The following KYNU variants were observed in gnomAD, a reference collection of about 807,000 sequenced individuals.
KYNU encodes the protein L-kynurenine hydrolase.
A neutral mutation model predicts 59.2 loss-of-function variants in KYNU; 54 were observed. The ratio of observed to expected loss-of-function variants is 0.91; its 90% CI spans 0.73 to 1.14. KYNU has a LOEUF of 1.14. KYNU is among the 50% of genes most tolerant of loss of function. The pLI is 0.00. For synonymous variants in KYNU, 177 were observed against 192.0 expected (o/e 0.92, Z 0.65); for missense variants, 567 against 554.4 (o/e 1.02, Z -0.23).
chr2:142,987,465 C>T (rs543905313), intron 10 of KYNU, among the ~76,000 whole-genome samples: 1 of 152,074 alleles, frequency 6.6e-6, no homozygotes, highest in Admixed American at 6.6e-5. Context: ...GTATTGTGCT[C>T]ACATATGCCT....
chr2:142,924,364 C>T (rs1682983917), intron 3 of KYNU, among the ~76,000 whole-genome samples: 1 of 152,178 alleles, frequency 6.6e-6, no homozygotes, highest in African/African-American at 2.4e-5. Context: ...ACCTTGGACT[C>T]CCAAAATGCT....
At chr2:142,961,585 G>A (rs1684350868) in intron 8 of KYNU, among the ~76,000 whole-genome samples, 1 of 151,978 alleles carries the variant, frequency 6.6e-6, no homozygotes, top group African/African-American at 2.4e-5. Context: ...TTTTATACAA[G>A]TTACTTTAAG....
chr2:143,001,885 T>C (rs1437674657), intron 10 of KYNU, among the ~76,000 whole-genome samples: 2 of 152,176 alleles, frequency 1.3e-5, no homozygotes, highest in African/African-American at 4.8e-5. Flanking sequence ...ATGTCTTAGT[T>C]TCCATCCATT....
chr2:142,945,787 G>C (rs1419328720), intron 4 of KYNU, among the ~76,000 whole-genome samples: 2 of 151,304 alleles, frequency 1.3e-5, no homozygotes, highest in African/African-American at 4.9e-5. Flanking sequence ...GCTCAGGCTG[G>C]AGTGCCGTGG....
intron 4 of KYNU, among the ~76,000 whole-genome samples, chr2:142,938,550 A>G (rs1426516640): frequency 2.6e-5 from 4 of 152,232 alleles, no homozygotes; most frequent in African/African-American, 9.6e-5. Context: ...GGTGATTAGC[A>G]CTGGAGCAGG....
At position 143,047,852 on chromosome 2, in the gene KYNU, C is replaced by CTTTTTTTTTTTTTTTTTTTTTTTTTTTTT. The variant is rs61229238; in HGVS notation, c.*5706_*5707insTTTTTTTTTTTTTTTTTTTTTTTTTTTTT. ...GGCATAAGCTGCCACTCCTGGACCT[C>CTTTTTTTTTTTTTTTTTTTTTTTTTTTTT]TTTTTTTTTTTTTTTTTTTTTTTTT... On this transcript the variant is annotated 3_prime_UTR_variant, in exon 14 of 14. Coordinates refer to ENST00000264170, the MANE Select transcript of KYNU (RefSeq NM_003937.3). 2 of 100,336 alleles carry CTTTTTTTTTTTTTTTTTTTTTTTTTTTTT rather than the reference C, an allele frequency of 2.0e-5. 1 individual carries two copies. The allele number at this position is 100,336 out of a possible 1,614,324, so 6.2% of individuals were successfully genotyped here.
chr2:143,055,326 G>C lies in KYNU; in HGVS notation c.*13154G>C, dbSNP rs1471432232. The C allele has an allele frequency of 1.3e-5, 2 of 152,068 alleles. No homozygotes were observed. The highest frequency in any genetic ancestry group is 1.9e-4 in the East Asian group (1 of 5,190). 9.4% of individuals were successfully genotyped at this position (152,068 alleles called of 1,614,324 possible). ...TTCTTACTTTTTTTAGATTCTAGAG[G>C]CTTCCCACAATCCTTGGCTTAAGGT... is the stretch of plus-strand genomic sequence containing the variant. On this transcript the variant is annotated 3_prime_UTR_variant, in exon 14 of 14. Transcript: ENST00000264170.
intron 10 of KYNU, among the ~76,000 whole-genome samples, chr2:142,996,567 T>G (rs1300473808): frequency 6.6e-6 from 1 of 151,970 alleles, no homozygotes; most frequent in East Asian, 1.9e-4. Context: ...TGGGAGAACC[T>G]TACAAAGATG....
chr2:142,948,850 A>G (rs551154174), intron 4 of KYNU, among the ~76,000 whole-genome samples: 2 of 152,340 alleles, frequency 1.3e-5, no homozygotes, highest in South Asian at 2.1e-4. Context: ...AACTCATTCC[A>G]GCATTAACTC....
chr2:142,917,169 A>T (rs1344653393), intron 2 of KYNU, among the ~76,000 whole-genome samples: 1 of 152,176 alleles, frequency 6.6e-6, no homozygotes, highest in Non-Finnish European at 1.5e-5. Context: ...TGGGAAAAAA[A>T]GGTAAATACA....
intron 10 of KYNU, among the ~76,000 whole-genome samples, chr2:143,005,985 A>G (rs1219095682): frequency 6.6e-6 from 1 of 152,184 alleles, no homozygotes; most frequent in Non-Finnish European, 1.5e-5. Flanking sequence ...TAGAATACTA[A>G]TGGCTCTGGG....
At position 143,053,493 on chromosome 2, in the gene KYNU, G is replaced by T. The variant is rs1687302273; in HGVS notation, c.*11321G>T. 6.6e-6 allele frequency: 1 copy of T among 152,222 alleles called. No individual in the cohort carries two copies. The highest frequency in any genetic ancestry group is 1.5e-5 in the Non-Finnish European group (1 of 68,042). 9.4% of individuals were successfully genotyped at this position (152,222 alleles called of 1,614,324 possible). A position where few individuals can be genotyped will look rare whatever the true frequency, so the allele number is the denominator to read the frequency against. Reference sequence around the variant, plus strand: ...GGGCAGAATGATATGGTTTGACTTTGTCCGCAGTCAAATCTCATCTTGAAT... The same window carrying T: ...GGGCAGAATGATATGGTTTGACTTTTTCCGCAGTCAAATCTCATCTTGAAT... On this transcript the variant is annotated 3_prime_UTR_variant, in exon 14 of 14. Coordinates refer to ENST00000264170, the MANE Select transcript of KYNU (RefSeq NM_003937.3).
chr2:142,982,031 G>A (rs1286987807), intron 8 of KYNU, among the ~76,000 whole-genome samples: 1 of 152,068 alleles, frequency 6.6e-6, no homozygotes, highest in Non-Finnish European at 1.5e-5. Context: ...CTCTTCTCTA[G>A]GGAAAACACC....
At chr2:142,938,517 T>C (rs1052210122) in intron 4 of KYNU, among the ~76,000 whole-genome samples, 1 of 152,200 alleles carries the variant, frequency 6.6e-6, no homozygotes, top group African/African-American at 2.4e-5. Context: ...GTTTGAACAG[T>C]TTCTCTTCTT....
In KYNU at chr2:143,050,908, A is replaced by T. The variant is rs754501508; in HGVS notation, c.*8736A>T. 1 of 152,204 alleles carries T rather than the reference A, an allele frequency of 6.6e-6. No individual in the cohort carries two copies. 9.4% of individuals were successfully genotyped at this position (152,204 alleles called of 1,614,324 possible). A position where few individuals can be genotyped will look rare whatever the true frequency, so the allele number is the denominator to read the frequency against. On this transcript the variant is annotated 3_prime_UTR_variant, in exon 14 of 14. Transcript: ENST00000264170. ...CCTTCAAACAGCCTGGAAATATCACATCAATAAAGCACAACCTGGGAATCA... is the reference window on the plus strand; with the variant it reads ...CCTTCAAACAGCCTGGAAATATCACTTCAATAAAGCACAACCTGGGAATCA...
chr2:142,985,130 A>G lies in KYNU; in HGVS notation c.776A>G (p.Glu259Gly), dbSNP rs1685162575. Reference sequence around the variant, plus strand: ...CTAGCACATGCAGTTGGAAATGTTGAACTCTACTTACATGACTGGGGAGTT... The same window carrying G: ...CTAGCACATGCAGTTGGAAATGTTGGACTCTACTTACATGACTGGGGAGTT... ...FDLAHAVGNV[E>G]LYLHDWGVDF... Residue 259 changes from glutamate to glycine, a missense_variant, in exon 9 of 14, where the codon GAA becomes GGA. By Grantham distance (98) the Glu-to-Gly change is moderately conservative. Coordinates refer to ENST00000264170, the MANE Select transcript of KYNU (RefSeq NM_003937.3). The G allele has an allele frequency of 2.5e-6, 4 of 1,611,766 alleles. No individual in the cohort carries two copies. The highest frequency in any genetic ancestry group is 3.4e-6 in the Non-Finnish European group (4 of 1,178,360).
intron 2 of KYNU, among the ~76,000 whole-genome samples, chr2:142,917,663 A>C (rs78201785): frequency 0.061 from 9,311 of 152,208 alleles, 387 homozygotes; most frequent in East Asian, 0.22. Flanking sequence ...CCAGGAAATA[A>C]TGGATACCTT....
intron 2 of KYNU, among the ~76,000 whole-genome samples, chr2:142,904,095 T>C (rs1372605743): frequency 6.6e-6 from 1 of 152,248 alleles, no homozygotes; most frequent in Admixed American, 6.5e-5. Context: ...TTTTTTCTAA[T>C]GTCTGCAGCT....
At chr2:142,924,330 C>A (rs1485250360) in intron 3 of KYNU, among the ~76,000 whole-genome samples, 5 of 152,152 alleles carry the variant, frequency 3.3e-5, no homozygotes, top group African/African-American at 1.2e-4. Flanking sequence ...TGGTCTCAAA[C>A]ACCTGGTCTC....
Sources: gnomAD v4.1 joint callset for allele counts (sites outside exome capture counted in the v4.1 genomes callset) on GRCh38, gnomAD v4.1.1 for gene constraint, MANE v1.5 for transcripts, NCBI Gene and HGNC (gene_info 2026-07-23, HGNC 2026-07-21) for gene names.